The following ABCA4 variants were observed in gnomAD, a reference collection of about 807,000 sequenced individuals.
ABCA4 encodes retinal-specific phospholipid-transporting ATPase ABCA4.
Under a neutral mutation model 263.7 loss-of-function variants are expected in ABCA4, and 196 were observed. The observed-to-expected ratio is 0.74, with a 90% CI of 0.66 to 0.84. The LOEUF (loss-of-function observed/expected upper bound fraction) is 0.84. Ranked by LOEUF, ABCA4 falls within the 40% of genes least tolerant of loss-of-function variation. ABCA4 has a pLI of 0.00. For missense variants in ABCA4, 2,792 were observed against 2,855.1 expected, an observed-to-expected ratio of 0.98 and a Z score of 0.50; for synonymous variants, 1,133 against 1,094.2, an observed-to-expected ratio of 1.04 and a Z score of -0.70.
intron 6 of ABCA4, among the ~76,000 whole-genome samples, chr1:94,097,861 G>C (rs576031535): frequency 5.3e-5 from 8 of 152,188 alleles, no homozygotes; most frequent in African/African-American, 7.2e-5. Context: ...GCCATTCTCC[G>C]GCCTCAGCCT....
chr1:94,062,898 C>A, intron 12 of ABCA4, 145 bp from the exon 13 acceptor site: 1 of 1,071,184 alleles, frequency 9.3e-7, no homozygotes, highest in Non-Finnish European at 1.4e-6. Flanking sequence ...TCCTAGTCCT[C>A]AGTTTAAATC....
chr1:94,105,420 G>C (rs970731653), intron 4 of ABCA4, among the ~76,000 whole-genome samples: 6 of 152,188 alleles, frequency 3.9e-5, no homozygotes, highest in Admixed American at 6.5e-5. Context: ...GTGGCTCTGG[G>C]GGGGAAGGGG....
At chr1:94,050,724 C>T (rs1481801917) in intron 17 of ABCA4, among the ~76,000 whole-genome samples, 2 of 151,844 alleles carry the variant, frequency 1.3e-5, no homozygotes, top group Admixed American at 6.6e-5. Flanking sequence ...ATGAAAAAAT[C>T]CTGAGCTGTT....
intron 13 of ABCA4, 93 bp from the exon 14 acceptor site, chr1:94,060,852 GC>G: frequency 2.8e-6 from 3 of 1,081,720 alleles, no homozygotes; most frequent in Non-Finnish European, 4.2e-6. Context: ...TGAGAACAAA[GC>G]CCAGATGGAG....
At chr1:94,036,913 G>T in intron 25 of ABCA4, 125 bp from the exon 26 acceptor site, 2 of 996,780 alleles carry the variant, frequency 2.0e-6, no homozygotes, top group Non-Finnish European at 3.2e-6. Flanking sequence ...GACTCTATCT[G>T]AGAACATCAT....
chr1:94,111,684 G>T, intron 2 of ABCA4, 105 bp from the exon 3 acceptor site: 1 of 1,320,420 alleles, frequency 7.6e-7, no homozygotes, highest in Non-Finnish European at 1.1e-6. Flanking sequence ...CCCCTCTGAT[G>T]TCCTCCTTCA....
Position 94,073,219 on chromosome 1 carries a change from C to T in ABCA4, c.1554+4471G>A, listed in dbSNP as rs546921369. 5.9e-5 allele frequency among the ~76,000 whole-genome samples: 9 copies of T among 152,342 alleles called. No individual in the cohort carries two copies. The South Asian group carries it at 1.7e-3, about 28-fold the overall frequency. On this transcript the variant is annotated intron_variant, in intron 11 of 49. Transcript: ENST00000370225. ...TGATGTGTTTCTTCCTCACACATTT[C>T]CTCCCCGCTATCTTCTCCTTTCTGT...
chr1:94,050,235 C>T (rs1660798776), intron 17 of ABCA4, among the ~76,000 whole-genome samples: 1 of 152,196 alleles, frequency 6.6e-6, no homozygotes, highest in Non-Finnish European at 1.5e-5. Context: ...TATCAAACTG[C>T]ACAAATAGGT....
At chr1:94,042,705 C>A in intron 22 of ABCA4, 56 bp downstream of exon 22, 1 of 1,612,890 alleles carries the variant, frequency 6.2e-7, no homozygotes, top group Non-Finnish European at 8.5e-7. Context: ...AGAGTGGGGA[C>A]CACAGCTAGG....
At chr1:94,103,714 C>T (rs563335930) in intron 4 of ABCA4, among the ~76,000 whole-genome samples, 2 of 152,326 alleles carry the variant, frequency 1.3e-5, no homozygotes, top group East Asian at 1.9e-4. Flanking sequence ...GAGGACCCCT[C>T]TGGGTGTTTC....
In ABCA4 at chr1:94,111,508, T is replaced by G. The variant is rs148529158; in HGVS notation, c.232A>C (p.Asn78His). 4 of 1,614,006 alleles carry G rather than the reference T, an allele frequency of 2.5e-6. No homozygotes were observed. The African/African-American group carries it at 5.3e-5, about 22-fold the overall frequency. The change falls in exon 3 of 50, where the codon AAC becomes CAC. Residue 78 changes from asparagine to histidine, a missense_variant. Coordinates refer to ENST00000370225, the MANE Select transcript of ABCA4 (RefSeq NM_000350.3). The part of the protein sequence containing the change: ...PWLQGIFCNV[N>H]NPCFQSPTPG... ...GTGGGGCTTTGAAAACAGGGATTGTTCACATTGCAGAAGATCCCCTGGAGC... is the reference window on the plus strand; with the variant it reads ...GTGGGGCTTTGAAAACAGGGATTGTGCACATTGCAGAAGATCCCCTGGAGC...
chr1:94,051,788 C>G, intron 16 of ABCA4, 90 bp from the exon 17 acceptor site: 1 of 971,000 alleles, frequency 1.0e-6, no homozygotes, highest in Non-Finnish European at 1.6e-6. Context: ...GTTTATTTAC[C>G]TGAACCTCAA....
At chr1:94,059,100 T>TA (rs1557785616) in intron 14 of ABCA4, among the ~76,000 whole-genome samples, 2 of 152,230 alleles carry the variant, frequency 1.3e-5, no homozygotes, top group Non-Finnish European at 2.9e-5. Flanking sequence ...GGCCCATTCT[T>TA]AGGAGGGCAG....
At position 94,007,732 on chromosome 1, in the gene ABCA4, G is replaced by A; in HGVS notation, c.5907C>T (p.Gly1969=). ...CVGVRPGECF[G]LLGVNGAGKT... is the part of the protein sequence containing the mutation. Reference sequence around the variant, plus strand: ...TGCCGGCACCATTCACTCCCAGGAGGCCAAAGCACTAGGAGAAAACACAGA... The same window carrying A: ...TGCCGGCACCATTCACTCCCAGGAGACCAAAGCACTAGGAGAAAACACAGA... Residue 1969 remains glycine, a synonymous_variant, in exon 43 of 50, where the codon GGC becomes GGT. Coordinates refer to ENST00000370225, the MANE Select transcript of ABCA4 (RefSeq NM_000350.3). The A allele has an allele frequency of 1.2e-6, 2 of 1,613,948 alleles. No homozygotes were observed. The highest frequency in any genetic ancestry group is 1.7e-6 in the Non-Finnish European group (2 of 1,179,930).
intron 30 of ABCA4, among the ~76,000 whole-genome samples, chr1:94,026,758 A>G (rs184225165): frequency 6.6e-5 from 10 of 152,378 alleles, no homozygotes; most frequent in Non-Finnish European, 1.0e-4. Flanking sequence ...AGAATGTTAG[A>G]GCAGGGAGGG....
chr1:94,023,877 G>A (rs1402853614), intron 31 of ABCA4, among the ~76,000 whole-genome samples: 1 of 152,124 alleles, frequency 6.6e-6, no homozygotes, highest in Non-Finnish European at 1.5e-5. Context: ...TCAATCAAGG[G>A]TAAAATGACA....
intron 5 of ABCA4, among the ~76,000 whole-genome samples, chr1:94,100,721 C>T (rs1274826252): frequency 6.6e-6 from 1 of 152,094 alleles, no homozygotes; most frequent in Non-Finnish European, 1.5e-5. Context: ...TGTGCTAAGA[C>T]CCCAGGCAGA....
chr1:94,079,608 C>A, intron 8 of ABCA4, 147 bp from the exon 9 acceptor site: 3 of 1,145,088 alleles, frequency 2.6e-6, no homozygotes, highest in East Asian at 2.5e-5. Context: ...TGTACCCCAC[C>A]AATAACAAGC....
At chr1:94,071,440 G>GC (rs1441344994) in intron 11 of ABCA4, among the ~76,000 whole-genome samples, 1 of 152,074 alleles carries the variant, frequency 6.6e-6, no homozygotes, top group Non-Finnish European at 1.5e-5. Context: ...TACTTTCTGA[G>GC]CCCCCTATTA....
Sources: allele counts gnomAD v4.1 joint callset (sites outside exome capture counted in the v4.1 genomes callset), GRCh38; gene constraint gnomAD v4.1.1; transcripts MANE v1.5; gene names NCBI Gene and HGNC (gene_info 2026-07-23, HGNC 2026-07-21).